LRRC73: variants seen among roughly 807,000 people sequenced by gnomAD.
LRRC73 encodes the protein leucine rich repeat containing 73, also known as leucine-rich repeat-containing protein 73.
Under a neutral mutation model 26.4 loss-of-function variants are expected in LRRC73, and 16 were observed. That is an observed-to-expected ratio of 0.61 (90% confidence interval 0.41 to 0.92). The LOEUF is 0.92. Among genes scored for constraint, LRRC73 ranks in the 40% least tolerant of loss-of-function variants. The pLI, the probability that LRRC73 is intolerant of heterozygous loss-of-function variation, is 0.00. For missense variants in LRRC73, 344 were observed against 416.3 expected (o/e 0.83, Z 1.51); for synonymous variants, 210 against 179.8 (o/e 1.17, Z -1.34).
intron 1 of LRRC73, 147 bp from the exon 2 acceptor site, chr6:43,509,067 TTC>T: frequency 1.3e-6 from 1 of 782,842 alleles, no homozygotes; most frequent in Non-Finnish European, 1.9e-6. Context: ...AAGTTCTAGA[TTC>T]TCAGGGAATA....
At chr6:43,507,264 TGTCCCC>T in exon 6 of LRRC73, 1 of 1,613,978 alleles carries the variant, frequency 6.2e-7, no homozygotes, top group Non-Finnish European at 8.5e-7. Flanking sequence ...GCCAACAGAC[TGTCCCC>T]TAGTCCTGAC....
rs551629247 is a variant in LRRC73 at position 43,507,153 on chromosome 6, A to G, written c.*85T>C. On this transcript the variant is annotated 3_prime_UTR_variant, in exon 6 of 6. Coordinates refer to ENST00000372441, the Ensembl canonical transcript of LRRC73. ...CAGCCCCTGACCCCAGTTCCCTCCCAAGTCCCAGGGCCTGACCCTGATATC... is the reference window on the plus strand; with the variant it reads ...CAGCCCCTGACCCCAGTTCCCTCCCGAGTCCCAGGGCCTGACCCTGATATC... 6.7e-4 allele frequency: 973 copies of G among 1,458,970 alleles called. 18 individuals are homozygous for G. In the South Asian group the frequency reaches 0.011, roughly 17 times the overall value. 90.4% of individuals were successfully genotyped at this position (1,458,970 alleles called of 1,614,324 possible). A position where few individuals can be genotyped will look rare whatever the true frequency, so the allele number is the denominator to read the frequency against.
exon 6 of LRRC73, chr6:43,507,051 C>G (rs1792510578): frequency 1.6e-6 from 1 of 632,562 alleles, no homozygotes; most frequent in Non-Finnish European, 2.8e-6. Context: ...TTCAAGTGCC[C>G]CCCAAGGCTG....
Position 43,509,501 on chromosome 6 carries a change from G to T in LRRC73, c.272+13C>A. 6.3e-7 allele frequency: 1 copy of T among 1,594,206 alleles called. No individual in the cohort carries two copies. The highest frequency in any genetic ancestry group is 1.1e-5 in the South Asian group (1 of 89,440). On this transcript the variant is annotated intron_variant, in intron 1 of 5. Transcript: ENST00000372441. ...GCAGTGCCCGGGACCCCCTTGCGAG[G>T]GGGCGCACTCACAAGAGGGACTGGA...
At chr6:43,507,182 G>A (rs780506739) in exon 6 of LRRC73, 14 of 1,588,286 alleles carry the variant, frequency 8.8e-6, no homozygotes, top group Non-Finnish European at 1.1e-5. Flanking sequence ...TGATATCTGG[G>A]GCAAGGTGCT....
intron 2 of LRRC73, 150 bp from the exon 3 acceptor site, chr6:43,508,570 T>C (rs1398068183): frequency 7.1e-7 from 1 of 1,401,468 alleles, no homozygotes; most frequent in Non-Finnish European, 9.7e-7. Flanking sequence ...AGGAGGCCCA[T>C]GCTTCCTCTG....
At chr6:43,509,845 C>T in exon 1 of LRRC73, 1 of 1,386,224 alleles carries the variant, frequency 7.2e-7, no homozygotes, top group African/African-American at 1.5e-5. Flanking sequence ...GGGCCGCGGG[C>T]GGGGCCGGGG....
rs1435828402 is a variant in LRRC73 at position 43,507,318 on chromosome 6, G to A, written c.881-10C>T. The A allele has an allele frequency of 1.2e-6, 2 of 1,613,932 alleles. No homozygotes were observed. The highest frequency in any genetic ancestry group is 2.2e-5 in the South Asian group (2 of 91,056). On this transcript the variant is annotated splice_polypyrimidine_tract_variant and intron_variant, in intron 5 of 5. Coordinates refer to ENST00000372441, the Ensembl canonical transcript of LRRC73. ...ATCTGAGAGCTGGGATCTGTGGAAG[G>A]GCAGAGAAGTGTTCAGACCACCATT... is the stretch of plus-strand genomic sequence containing the variant.
chr6:43,507,981 G>T, intron 3 of LRRC73, 55 bp from the exon 4 acceptor site: 1 of 1,475,018 alleles, frequency 6.8e-7, no homozygotes, highest in Admixed American at 1.8e-5. Context: ...AATCCTTACA[G>T]ATAGCTTCCC....
At chr6:43,509,833 T>G (rs1222026656) in exon 1 of LRRC73, 2 of 1,420,522 alleles carry the variant, frequency 1.4e-6, no homozygotes, top group Middle Eastern at 2.5e-4. Context: ...CGGAGGTTGG[T>G]GGGGCCGCGG....
exon 6 of LRRC73, chr6:43,507,052 C>A: frequency 1.6e-6 from 1 of 637,022 alleles, no homozygotes; most frequent in Non-Finnish European, 2.7e-6. Context: ...TCAAGTGCCC[C>A]CCAAGGCTGT....
chr6:43,507,665 A>G (rs1792535312), exon 5 of LRRC73: 1 of 1,614,004 alleles, frequency 6.2e-7, no homozygotes, highest in Non-Finnish European at 8.5e-7. Flanking sequence ...ATTTTCTACC[A>G]TGTCCAGCAG....
exon 3 of LRRC73, chr6:43,508,350 G>A (rs1323076180): frequency 5.0e-6 from 8 of 1,613,528 alleles, no homozygotes; most frequent in Admixed American, 1.7e-5. Flanking sequence ...TGTGGGCCAC[G>A]GCAATGGCAA....
At chr6:43,507,754 G>A in intron 4 of LRRC73, 72 bp downstream of exon 4, 1 of 1,587,428 alleles carries the variant, frequency 6.3e-7, no homozygotes, top group South Asian at 1.1e-5. Flanking sequence ...CCATGCCTTA[G>A]GTATGTCATC....
intron 5 of LRRC73, 50 bp downstream of exon 5, chr6:43,507,406 G>C (rs1392352747): frequency 6.2e-7 from 1 of 1,609,530 alleles, no homozygotes; most frequent in Admixed American, 1.7e-5. Flanking sequence ...ACTCTCCCTT[G>C]TCCCGAGCCT....
Position 43,507,326 on chromosome 6 carries a change from A to C in LRRC73, c.881-18T>G. 1 of 1,613,860 alleles carries C rather than the reference A, an allele frequency of 6.2e-7. No individual in the cohort carries two copies. Among genetic ancestry groups the C allele is most frequent in the Non-Finnish European group, 8.5e-7 (1 of 1,179,950 alleles). On this transcript the variant is annotated intron_variant, in intron 5 of 5. Coordinates refer to ENST00000372441, the Ensembl canonical transcript of LRRC73. ...GCTGGGATCTGTGGAAGGGCAGAGA[A>C]GTGTTCAGACCACCATTCCTTCCTC...
chr6:43,509,420 T>C (rs1339477916), intron 1 of LRRC73, 94 bp downstream of exon 1: 2 of 1,401,584 alleles, frequency 1.4e-6, no homozygotes, highest in South Asian at 1.4e-5. Context: ...GAAGGTAGGA[T>C]GGTACTGGAA....
At chr6:43,507,152 C>G (rs1400827269) in exon 6 of LRRC73, 4 of 1,457,108 alleles carry the variant, frequency 2.7e-6, no homozygotes, top group Non-Finnish European at 3.8e-6. Flanking sequence ...AGTTCCCTCC[C>G]AAGTCCCAGG....
chr6:43,507,084 GCTTC>G, exon 6 of LRRC73: 4 of 752,058 alleles, frequency 5.3e-6, no homozygotes, highest in Non-Finnish European at 8.8e-6. Context: ...AGCTTCCAGA[GCTTC>G]CTTCCCACCA....
Sources: gnomAD v4.1 joint callset for allele counts on GRCh38, gnomAD v4.1.1 for gene constraint, MANE v1.5 for transcripts, NCBI Gene and HGNC (gene_info 2026-07-23, HGNC 2026-07-21) for gene names.